SCAPER: variants seen among roughly 807,000 people sequenced by gnomAD.
The protein encoded by SCAPER is S-phase cyclin A associated protein in the ER, also known as S phase cyclin A-associated protein in the endoplasmic reticulum.
In SCAPER, 98 loss-of-function variants were observed where a neutral mutation model predicts 182.2. The observed-to-expected ratio is 0.54, with a 90% CI of 0.46 to 0.64. The LOEUF is 0.64. Ranked by LOEUF, SCAPER falls within the 30% of genes least tolerant of loss-of-function variation. The probability of loss-of-function intolerance (pLI) is 0.00; values close to 1 mark genes in which losing one functional copy is unlikely to be tolerated. For missense variants in SCAPER, 1,432 were observed against 1,690.0 expected (o/e 0.85, Z 2.68); for synonymous variants, 605 against 564.6 (o/e 1.07, Z -1.01).
In SCAPER at chr15:76,596,495, A is replaced by G. The variant is rs2049508333; in HGVS notation, c.2712-22211T>C. On this transcript the variant is annotated intron_variant, in intron 22 of 31. Coordinates refer to ENST00000563290, the MANE Select transcript of SCAPER (RefSeq NM_020843.4). ...CAGCATCATCCTGATACCAAAACTC[A>G]GCAGAGACACAACAAAAAAAGAAAA... Among the ~76,000 whole-genome samples the G allele has an allele frequency of 3.3e-5, 4 of 120,916 alleles. No individual in the cohort carries two copies. In the South Asian group the frequency reaches 7.7e-4, roughly 23 times the overall value. 79.3% of individuals were successfully genotyped at this position (120,916 alleles called of 152,430 possible).
intron 22 of SCAPER, among the ~76,000 whole-genome samples, chr15:76,618,778 C>T (rs1246283406): frequency 1.3e-5 from 2 of 152,034 alleles, no homozygotes; most frequent in Non-Finnish European, 2.9e-5. Context: ...CACATGAAGC[C>T]TGTTTTAAGC....
intron 5 of SCAPER, among the ~76,000 whole-genome samples, chr15:76,831,622 C>T (rs1011595230): frequency 1.1e-4 from 17 of 151,618 alleles, no homozygotes; most frequent in African/African-American, 4.1e-4. Context: ...CTGTGGTTGC[C>T]CCACCGCCGC....
intron 6 of SCAPER, among the ~76,000 whole-genome samples, chr15:76,804,099 T>A (rs1455518213): frequency 6.6e-6 from 1 of 152,244 alleles, no homozygotes; most frequent in African/African-American, 2.4e-5. Context: ...CATAGCTGTT[T>A]AAATTTATTC....
rs140471646 is a variant in SCAPER at position 76,854,891 on chromosome 15, G to A, written c.195+2918C>T. On this transcript the variant is annotated intron_variant, in intron 4 of 31. Transcript: ENST00000563290. The stretch of plus-strand genomic sequence containing the variant: ...GGAGGCTGAGGTAGGAGAATGGCCT[G>A]AACCCAGGAGATGGAGCTTGCAGTG... Among the ~76,000 whole-genome samples, 12 of 150,850 alleles carry A rather than the reference G, an allele frequency of 8.0e-5. No homozygotes were observed. The East Asian group carries it at 1.6e-3, about 20-fold the overall frequency.
intron 5 of SCAPER, among the ~76,000 whole-genome samples, chr15:76,810,558 CA>C (rs2066521671): frequency 1.4e-5 from 2 of 144,968 alleles, no homozygotes; most frequent in African/African-American, 5.1e-5. Context: ...AAACCACACA[CA>C]CACACACACA....
At chr15:76,441,618 A>C (rs2047607093) in intron 25 of SCAPER, among the ~76,000 whole-genome samples, 1 of 152,184 alleles carries the variant, frequency 6.6e-6, no homozygotes. Flanking sequence ...TGCCTGGAAT[A>C]TCTTTCCCCC....
intron 24 of SCAPER, among the ~76,000 whole-genome samples, chr15:76,498,931 T>C (rs1231708026): frequency 6.6e-6 from 1 of 152,196 alleles, no homozygotes; most frequent in Admixed American, 6.5e-5. Context: ...GATAAATGCA[T>C]ATACTGTAAA....
At chr15:76,674,441 A>T (rs2057242439) in intron 20 of SCAPER, among the ~76,000 whole-genome samples, 1 of 152,180 alleles carries the variant, frequency 6.6e-6, no homozygotes. Context: ...CAAGTCACAT[A>T]AGTCTTTCAC....
Position 76,834,667 on chromosome 15 carries a change from T to C in SCAPER, c.393+7067A>G, listed in dbSNP as rs151029887. 4.0e-3 allele frequency among the ~76,000 whole-genome samples: 606 copies of C among 152,028 alleles called. 2 individuals are homozygous for C. Among genetic ancestry groups the C allele is most frequent in the Middle Eastern group, 0.014 (4 of 294 alleles). The stretch of plus-strand genomic sequence containing the variant: ...AAAGTTGATAGACAGCTAGGTAGAT[T>C]AATAAAGAAAAAAAGATTGAAATAA... On this transcript the variant is annotated intron_variant, in intron 5 of 31. Coordinates refer to ENST00000563290, the MANE Select transcript of SCAPER (RefSeq NM_020843.4).
chr15:76,375,123 TG>T (rs1357684008), intron 29 of SCAPER, among the ~76,000 whole-genome samples: 2 of 135,806 alleles, frequency 1.5e-5, no homozygotes, highest in Non-Finnish European at 3.0e-5. Context: ...GAGGCTGAGA[TG>T]GGAGGATCGC....
At chr15:76,504,753 A>G (rs1441065215) in intron 24 of SCAPER, 106 bp downstream of exon 24, 1 of 883,560 alleles carries the variant, frequency 1.1e-6, no homozygotes, top group Non-Finnish European at 1.7e-6. Context: ...TTGGTATTCA[A>G]CCCTGAATAC....
At chr15:76,751,107 G>A (rs2062060660) in intron 15 of SCAPER, among the ~76,000 whole-genome samples, 1 of 151,558 alleles carries the variant, frequency 6.6e-6, no homozygotes. Context: ...AATCTGAAAA[G>A]GAGATCATGA....
intron 22 of SCAPER, among the ~76,000 whole-genome samples, chr15:76,579,536 TAA>T (rs957731380): frequency 3.3e-5 from 4 of 121,054 alleles, no homozygotes; most frequent in African/African-American, 1.2e-4. Context: ...AAAAGATTCA[TAA>T]AAAAAAAAAT....
chr15:76,552,376 AC>A (rs1202189811), intron 23 of SCAPER, among the ~76,000 whole-genome samples: 9 of 152,126 alleles, frequency 5.9e-5, no homozygotes, highest in African/African-American at 2.2e-4. Context: ...CATCCGCAAG[AC>A]TGGCACACTC....
chr15:76,763,550 T>C (rs2062927486), intron 14 of SCAPER, among the ~76,000 whole-genome samples: 1 of 150,350 alleles, frequency 6.7e-6, no homozygotes, highest in Non-Finnish European at 1.5e-5. Flanking sequence ...GTTATTTCTT[T>C]AAAAAAAAAA....
At chr15:76,425,262 G>A (rs1007886918) in intron 26 of SCAPER, among the ~76,000 whole-genome samples, 2 of 152,144 alleles carry the variant, frequency 1.3e-5, no homozygotes, top group African/African-American at 4.8e-5. Flanking sequence ...CCAATCAGAC[G>A]CAGATTTGGT....
intron 28 of SCAPER, among the ~76,000 whole-genome samples, chr15:76,377,724 G>T (rs1365381311): frequency 6.6e-6 from 1 of 152,196 alleles, no homozygotes; most frequent in Non-Finnish European, 1.5e-5. Context: ...GGTATACAAT[G>T]AAATGGAACC....
At chr15:76,890,664 A>C (rs1177355849) in intron 1 of SCAPER, among the ~76,000 whole-genome samples, 2 of 152,236 alleles carry the variant, frequency 1.3e-5, no homozygotes, top group African/African-American at 4.8e-5. Flanking sequence ...TCTGAAATCG[A>C]GGCAATAATT....
chr15:76,796,780 T>C (rs923170335), intron 7 of SCAPER, among the ~76,000 whole-genome samples: 2 of 152,364 alleles, frequency 1.3e-5, no homozygotes, highest in East Asian at 1.9e-4. Context: ...TGCTTGAATA[T>C]ATAAATATTT....
Sources: allele counts gnomAD v4.1 joint callset (sites outside exome capture counted in the v4.1 genomes callset), GRCh38; gene constraint gnomAD v4.1.1; transcripts MANE v1.5; gene names NCBI Gene and HGNC (gene_info 2026-07-23, HGNC 2026-07-21).